GRIA4: variants seen among roughly 807,000 people sequenced by gnomAD.
GRIA4 encodes glutamate ionotropic receptor AMPA type subunit 4, also known as glutamate receptor 4.
Under a neutral mutation model 104.0 loss-of-function variants are expected in GRIA4, and 34 were observed. The observed-to-expected ratio is 0.33, with a 90% CI of 0.25 to 0.44. GRIA4 has a LOEUF of 0.44. Ranked by LOEUF, GRIA4 falls within the 20% of genes least tolerant of loss-of-function variation. The pLI, the probability that GRIA4 is intolerant of heterozygous loss-of-function variation, is 1.00. For missense variants in GRIA4, 750 were observed against 1,096.5 expected (o/e 0.68, Z 4.46); for synonymous variants, 386 against 381.9 (o/e 1.01, Z -0.13).
intron 5 of GRIA4, among the ~76,000 whole-genome samples, chr11:105,862,873 A>G (rs1274791225): frequency 1.3e-5 from 2 of 152,118 alleles, no homozygotes; most frequent in Non-Finnish European, 2.9e-5. Context: ...TGATAGGAAA[A>G]TATCATCAAA....
At chr11:105,814,913 T>C (rs1261547558) in intron 4 of GRIA4, among the ~76,000 whole-genome samples, 1 of 152,082 alleles carries the variant, frequency 6.6e-6, no homozygotes, top group Non-Finnish European at 1.5e-5. Flanking sequence ...TGGCCCAGAG[T>C]TGGACAAACT....
intron 4 of GRIA4, among the ~76,000 whole-genome samples, chr11:105,857,227 G>C (rs759860733): frequency 1.3e-5 from 2 of 152,072 alleles, no homozygotes; most frequent in Non-Finnish European, 2.9e-5. Flanking sequence ...ATTAAATGCA[G>C]TGAGGATTAC....
At chr11:105,895,741 C>T (rs1179679100) in intron 6 of GRIA4, among the ~76,000 whole-genome samples, 1 of 152,136 alleles carries the variant, frequency 6.6e-6, no homozygotes, top group Non-Finnish European at 1.5e-5. Flanking sequence ...CTTCTTCGCT[C>T]CATCTGGTGG....
rs560241841 is a variant in GRIA4, at chr11:105,933,965, T to G, written c.2290T>G (p.Leu764Val). 6.2e-7 allele frequency: 1 copy of G among 1,611,344 alleles called. No individual in the cohort carries two copies. Among genetic ancestry groups the G allele is most frequent in the Admixed American group, 1.7e-5 (1 of 59,884 alleles). Residue 764 changes from leucine to valine, a missense_variant, in exon 14 of 17, where the codon TTA becomes GTA. By Grantham distance (32) the Leu-to-Val change is conservative. Around this residue, in one of 3 missense-constraint regions of GRIA4, gnomAD observed 272 missense variants for 524.5 expected, o/e 0.52. Transcript: ENST00000282499. Reference protein sequence around the residue: ...YGVATPKGSSLRTPVNLAVLK... With the variant: ...YGVATPKGSSVRTPVNLAVLK... ...AGTAGCAACGCCCAAGGGTTCCTCATTAAGGTGGGTGGAATAGTATAACAA... is the reference window on the plus strand; with the variant it reads ...AGTAGCAACGCCCAAGGGTTCCTCAGTAAGGTGGGTGGAATAGTATAACAA...
At chr11:105,773,109 C>G (rs1282571195) in intron 4 of GRIA4, among the ~76,000 whole-genome samples, 1 of 152,102 alleles carries the variant, frequency 6.6e-6, no homozygotes, top group Non-Finnish European at 1.5e-5. Context: ...TCCACCTTCC[C>G]CTACTCCTCC....
At chr11:105,641,934 T>G (rs1408684944) in intron 3 of GRIA4, among the ~76,000 whole-genome samples, 1 of 152,118 alleles carries the variant, frequency 6.6e-6, no homozygotes, top group Non-Finnish European at 1.5e-5. Context: ...AGGCCGAAAG[T>G]CTGAGATCAA....
intron 14 of GRIA4, among the ~76,000 whole-genome samples, chr11:105,938,341 T>A (rs1948102113): frequency 6.6e-6 from 1 of 152,164 alleles, no homozygotes; most frequent in Non-Finnish European, 1.5e-5. Flanking sequence ...GAATAATATT[T>A]TAGTCTTTTT....
In GRIA4 at chr11:105,783,434, G is replaced by T. The variant is rs901988500; in HGVS notation, c.487+30214G>T. On this transcript the variant is annotated intron_variant, in intron 4 of 16. Transcript: ENST00000282499. ...ACTGGGAATTATCCAATTGCACACA[G>T]ATAGATCTCTTTCCATTCATTTGGA... 2.0e-4 allele frequency among the ~76,000 whole-genome samples: 31 copies of T among 152,194 alleles called. 1 individual carries two copies. Among genetic ancestry groups the T allele is most frequent in the Admixed American group, 1.9e-3 (29 of 15,264 alleles).
chr11:105,741,339 T>C (rs1047785250), intron 3 of GRIA4, among the ~76,000 whole-genome samples: 2 of 152,170 alleles, frequency 1.3e-5, no homozygotes, highest in Non-Finnish European at 2.9e-5. Flanking sequence ...ACTGTTGATA[T>C]TTGAGTCTGA....
intron 4 of GRIA4, among the ~76,000 whole-genome samples, chr11:105,814,731 T>G (rs1369557758): frequency 6.6e-6 from 1 of 152,206 alleles, no homozygotes; most frequent in Non-Finnish European, 1.5e-5. Context: ...ACATGAAATA[T>G]ATACAGAAAT....
At chr11:105,741,500 G>C (rs910511273) in intron 3 of GRIA4, among the ~76,000 whole-genome samples, 18 of 152,128 alleles carry the variant, frequency 1.2e-4, no homozygotes, top group African/African-American at 4.1e-4. Context: ...GGGTCAAGTG[G>C]GAAATGCAAG....
intron 4 of GRIA4, among the ~76,000 whole-genome samples, chr11:105,836,011 A>G (rs1388714270): frequency 6.6e-6 from 1 of 152,122 alleles, no homozygotes; most frequent in African/African-American, 2.4e-5. Flanking sequence ...AGGAGGAGAT[A>G]AAAGTAATAA....
intron 5 of GRIA4, among the ~76,000 whole-genome samples, chr11:105,864,971 A>G (rs1002411524): frequency 1.3e-5 from 2 of 152,230 alleles, no homozygotes; most frequent in Non-Finnish European, 2.9e-5. Flanking sequence ...ATTTGCAAAA[A>G]CATAATAGAA....
At chr11:105,934,380 T>C (rs17104747) in intron 14 of GRIA4, among the ~76,000 whole-genome samples, 13,761 of 152,220 alleles carry the variant, frequency 0.09, 808 homozygotes, top group Admixed American at 0.19. Flanking sequence ...AAATTAACCT[T>C]TTTCTAGCAA....
At chr11:105,881,605 A>G (rs1946062287) in intron 5 of GRIA4, among the ~76,000 whole-genome samples, 1 of 151,876 alleles carries the variant, frequency 6.6e-6, no homozygotes, top group South Asian at 2.1e-4. Context: ...TTTATGGGAA[A>G]CTCTTCTTTC....
chr11:105,973,851 GA>G (rs1381780574), intron 15 of GRIA4, among the ~76,000 whole-genome samples: 6 of 152,226 alleles, frequency 3.9e-5, no homozygotes, highest in Admixed American at 1.3e-4. Flanking sequence ...AGGAAATGCG[GA>G]GTTGGATTTA....
chr11:105,979,542 G>T (rs749744483), intron 16 of GRIA4, 33 bp from the exon 17 acceptor site: 1 of 1,599,826 alleles, frequency 6.3e-7, no homozygotes. Context: ...GTAACACTCC[G>T]CGTTCTTTCT....
chr11:105,623,053 G>GTGTATATATATA (rs1162148034), intron 3 of GRIA4, among the ~76,000 whole-genome samples: 1 of 127,688 alleles, frequency 7.8e-6, no homozygotes, highest in African/African-American at 2.9e-5. Flanking sequence ...GTATTCCATT[G>GTGTATATATATA]TATATATATA....
chr11:105,830,622 A>G (rs1455296282), intron 4 of GRIA4, among the ~76,000 whole-genome samples: 3 of 151,982 alleles, frequency 2.0e-5, no homozygotes, highest in Non-Finnish European at 4.4e-5. Flanking sequence ...CTACTTATGA[A>G]ATTTCAAAGT....
Sources: allele counts gnomAD v4.1 joint callset (sites outside exome capture counted in the v4.1 genomes callset), GRCh38; gene constraint gnomAD v4.1.1; regional missense constraint gnomAD v4.1.1; transcripts MANE v1.5; gene names NCBI Gene and HGNC (gene_info 2026-07-23, HGNC 2026-07-21).